FBXL20: variants seen among roughly 807,000 people sequenced by gnomAD.
FBXL20 encodes the protein F-box/LRR-repeat protein 20.
In FBXL20, 11 loss-of-function variants were observed where a neutral mutation model predicts 64.0. The ratio of observed to expected loss-of-function variants is 0.17; its 90% CI spans 0.11 to 0.28. The LOEUF (loss-of-function observed/expected upper bound fraction) is 0.28, where lower values mean the gene tolerates loss of function less well. Among genes scored for constraint, FBXL20 ranks in the 10% least tolerant of loss-of-function variants. FBXL20 has a pLI of 1.00. For synonymous variants in FBXL20, 184 were observed against 189.0 expected, an observed-to-expected ratio of 0.97 and a Z score of 0.22; for missense variants, 303 against 526.2, an observed-to-expected ratio of 0.58 and a Z score of 4.15.
intron 1 of FBXL20, among the ~76,000 whole-genome samples, chr17:39,375,406 A>G (rs2047957666): frequency 6.6e-6 from 1 of 152,184 alleles, no homozygotes. Flanking sequence ...AAAAGCAACA[A>G]TAACAACAAA....
intron 1 of FBXL20, among the ~76,000 whole-genome samples, chr17:39,381,798 A>T (rs1019909035): frequency 1.4e-5 from 2 of 138,374 alleles, no homozygotes; most frequent in South Asian, 4.6e-4. Context: ...CTCTGAAGGG[A>T]AAAAAAAAAA....
intron 1 of FBXL20, among the ~76,000 whole-genome samples, chr17:39,383,093 G>A (rs1381916217): frequency 6.7e-6 from 1 of 149,458 alleles, no homozygotes; most frequent in Non-Finnish European, 1.5e-5. Flanking sequence ...AACCCGGGAG[G>A]CAGAGGTTGC....
At chr17:39,333,478 G>A (rs1437997721) in intron 2 of FBXL20, among the ~76,000 whole-genome samples, 4 of 152,174 alleles carry the variant, frequency 2.6e-5, no homozygotes, top group African/African-American at 4.8e-5. Context: ...GCGCAGTGGC[G>A]TGATCTCGGC....
intron 1 of FBXL20, among the ~76,000 whole-genome samples, chr17:39,348,404 G>A (rs2047654868): frequency 1.3e-5 from 2 of 151,824 alleles, no homozygotes; most frequent in Non-Finnish European, 2.9e-5. Flanking sequence ...AGGTTGCAGT[G>A]AGCCGAGATC....
chr17:39,332,268 A>AG (rs1485002364), intron 2 of FBXL20, among the ~76,000 whole-genome samples: 11 of 152,236 alleles, frequency 7.2e-5, no homozygotes, highest in Admixed American at 7.2e-4. Context: ...TTAACAGAGC[A>AG]GGCCTAAGAA....
intron 1 of FBXL20, among the ~76,000 whole-genome samples, chr17:39,356,854 A>G (rs1167885427): frequency 6.6e-6 from 1 of 151,286 alleles, no homozygotes; most frequent in African/African-American, 2.4e-5. Flanking sequence ...AGTAGAGACA[A>G]GGTCTCACTA....
intron 1 of FBXL20, among the ~76,000 whole-genome samples, chr17:39,366,643 T>C (rs568353426): frequency 6.6e-6 from 1 of 152,346 alleles, no homozygotes; most frequent in Non-Finnish European, 1.5e-5. Flanking sequence ...GATTGATAAT[T>C]TGGCTTGCAA....
intron 6 of FBXL20, 88 bp from the exon 7 acceptor site, chr17:39,285,661 G>T (rs1330805304): frequency 2.7e-6 from 2 of 744,154 alleles, no homozygotes; most frequent in Non-Finnish European, 4.1e-6. Context: ...TTAAACACAT[G>T]TGTATATATA....
chr17:39,398,944 A>AT (rs376436116), intron 1 of FBXL20, among the ~76,000 whole-genome samples: 63 of 152,270 alleles, frequency 4.1e-4, no homozygotes, highest in African/African-American at 1.5e-3. Context: ...AAGTGCTGGG[A>AT]TTACAGGCAT....
At chr17:39,398,722 T>C (rs1322194504) in intron 1 of FBXL20, among the ~76,000 whole-genome samples, 4 of 151,998 alleles carry the variant, frequency 2.6e-5, no homozygotes, top group Non-Finnish European at 5.9e-5. Context: ...TCGCCCAGGC[T>C]GGAGTAAAAT....
At chr17:39,312,811 C>T (rs565127465) in intron 2 of FBXL20, among the ~76,000 whole-genome samples, 2 of 151,070 alleles carry the variant, frequency 1.3e-5, no homozygotes, top group East Asian at 2.0e-4. Flanking sequence ...CTCCTGACCT[C>T]GTGATCCGCC....
intron 2 of FBXL20, among the ~76,000 whole-genome samples, chr17:39,315,432 T>G (rs1047907532): frequency 2.8e-5 from 4 of 143,340 alleles, no homozygotes; most frequent in African/African-American, 5.3e-5. Context: ...CTTTAAAACA[T>G]ATATAGGTAC....
At chr17:39,329,381 C>T (rs968419890) in intron 2 of FBXL20, among the ~76,000 whole-genome samples, 1 of 152,112 alleles carries the variant, frequency 6.6e-6, no homozygotes, top group Non-Finnish European at 1.5e-5. Flanking sequence ...AGATTAAATA[C>T]ATCCAAAGAG....
intron 2 of FBXL20, among the ~76,000 whole-genome samples, chr17:39,337,916 G>A (rs2047543681): frequency 1.3e-5 from 2 of 150,274 alleles, no homozygotes; most frequent in Admixed American, 1.3e-4. Context: ...AGGGAGGTGG[G>A]GGGGTCAGCC....
chr17:39,376,433 G>T (rs552874793), intron 1 of FBXL20, among the ~76,000 whole-genome samples: 1 of 152,148 alleles, frequency 6.6e-6, no homozygotes, highest in Non-Finnish European at 1.5e-5. Flanking sequence ...GTCCATAAGG[G>T]CATTGGTAAG....
intron 1 of FBXL20, among the ~76,000 whole-genome samples, chr17:39,389,781 G>C (rs566245065): frequency 1.3e-5 from 2 of 152,296 alleles, no homozygotes; most frequent in East Asian, 1.9e-4. Context: ...TCGCACCACT[G>C]AACTCCAGCC....
At chr17:39,300,001 G>A (rs961046420) in intron 4 of FBXL20, among the ~76,000 whole-genome samples, 7 of 151,380 alleles carry the variant, frequency 4.6e-5, no homozygotes, top group Non-Finnish European at 7.4e-5. Context: ...GGAGGCTGAG[G>A]CACAAGAATT....
intron 13 of FBXL20, among the ~76,000 whole-genome samples, 169 bp downstream of exon 13, chr17:39,265,228 C>T (rs999762772): frequency 2.0e-5 from 3 of 152,182 alleles, no homozygotes; most frequent in Non-Finnish European, 4.4e-5. Context: ...CAGTTCTTAT[C>T]TGTTTCCTAC....
intron 14 of FBXL20, among the ~76,000 whole-genome samples, chr17:39,262,781 G>A (rs540065698): frequency 1.3e-4 from 20 of 150,038 alleles, no homozygotes; most frequent in South Asian, 6.4e-4. Context: ...GGCGGATCAC[G>A]AGGTCAGGAG....
Sources: allele counts gnomAD v4.1 joint callset (sites outside exome capture counted in the v4.1 genomes callset), GRCh38; gene constraint gnomAD v4.1.1; transcripts MANE v1.5; gene names NCBI Gene and HGNC (gene_info 2026-07-23, HGNC 2026-07-21).